The following HEATR3 variants were observed in gnomAD, a reference collection of about 807,000 sequenced individuals.
The protein encoded by HEATR3 is HEAT repeat containing 3.
Under a neutral mutation model 72.8 loss-of-function variants are expected in HEATR3, and 56 were observed. That is an observed-to-expected ratio of 0.77 (90% CI 0.62 to 0.96). The LOEUF is 0.96. Among genes scored for constraint, HEATR3 ranks in the 40% least tolerant of loss-of-function variants. The pLI is 0.00. For synonymous variants in HEATR3, 331 were observed against 318.1 expected (o/e 1.04, Z -0.43); for missense variants, 747 against 831.4 (o/e 0.90, Z 1.25).
chr16:50,102,537 A>G (rs1229148709), intron 14 of HEATR3, 102 bp downstream of exon 14: 1 of 992,288 alleles, frequency 1.0e-6, no homozygotes, highest in South Asian at 1.6e-5. Context: ...GTGCATGACG[A>G]ATCCCCATAT....
Position 50,075,634 on chromosome 16 carries a change from C to T in HEATR3, c.686C>T (p.Ala229Val). 6.2e-7 allele frequency: 1 copy of T among 1,613,722 alleles called. No individual in the cohort carries two copies. The highest frequency in any genetic ancestry group is 8.5e-7 in the Non-Finnish European group (1 of 1,179,672). Residue 229 changes from alanine to valine, a missense_variant, in exon 6 of 15, where the codon GCA (alanine) becomes GTA (valine). Ala to Val is a moderately conservative substitution (Grantham distance 64). Transcript: ENST00000299192. ...PELLKSFSATALNMLESALLS... is the reference protein window; with the variant it reads ...PELLKSFSATVLNMLESALLS... ...CTGCTGAAGTCTTTCAGTGCTACAGCATTGAACATGCTGGAATCAGCACTG... is the reference window on the plus strand; with the variant it reads ...CTGCTGAAGTCTTTCAGTGCTACAGTATTGAACATGCTGGAATCAGCACTG...
At position 50,079,033 on chromosome 16, in the gene HEATR3, T is replaced by C; in HGVS notation, c.1041+15T>C. ...ATTTACTTCCGGTAAGTCAGGTTGCTGTTCTCAAATATGGATTAATACAGC... is the reference window on the plus strand; with the variant it reads ...ATTTACTTCCGGTAAGTCAGGTTGCCGTTCTCAAATATGGATTAATACAGC... On this transcript the variant is annotated intron_variant, in intron 7 of 14. Transcript: ENST00000299192. 1.9e-6 allele frequency: 3 copies of C among 1,600,192 alleles called. No individual in the cohort carries two copies. The highest frequency in any genetic ancestry group is 2.6e-6 in the Non-Finnish European group (3 of 1,175,778).
At chr16:50,080,554 G>A (rs1479706118) in intron 7 of HEATR3, among the ~76,000 whole-genome samples, 1 of 152,002 alleles carries the variant, frequency 6.6e-6, no homozygotes, top group Non-Finnish European at 1.5e-5. Flanking sequence ...TGGTCAGGCT[G>A]GTCTCAAACT....
chr16:50,070,384 GGCCTGTTAATCT>G, intron 4 of HEATR3, 94 bp downstream of exon 4: 1 of 525,370 alleles, frequency 1.9e-6, no homozygotes, highest in Non-Finnish European at 3.4e-6. Flanking sequence ...CCCCTTGGTA[GGCCTGTTAATCT>G]GGGATGTTAA....
chr16:50,097,802 C>T (rs1471743565), intron 12 of HEATR3, among the ~76,000 whole-genome samples: 1 of 151,826 alleles, frequency 6.6e-6, no homozygotes, highest in Non-Finnish European at 1.5e-5. Context: ...GTAATCCCAG[C>T]TACTTGGGAG....
At chr16:50,067,098 A>T (rs1336538575) in intron 2 of HEATR3, among the ~76,000 whole-genome samples, 4 of 152,198 alleles carry the variant, frequency 2.6e-5, no homozygotes, top group African/African-American at 9.6e-5. Flanking sequence ...ACACACCTGT[A>T]ATCCCATTGC....
At chr16:50,097,005 C>G (rs1039698586) in intron 12 of HEATR3, among the ~76,000 whole-genome samples, 4 of 152,254 alleles carry the variant, frequency 2.6e-5, no homozygotes, top group Non-Finnish European at 5.9e-5. Flanking sequence ...TCCTCTGTCC[C>G]CCATGTTTCC....
intron 13 of HEATR3, among the ~76,000 whole-genome samples, chr16:50,100,952 G>C (rs1438944132): frequency 6.6e-6 from 1 of 152,188 alleles, no homozygotes; most frequent in Non-Finnish European, 1.5e-5. Context: ...GACAGTCATA[G>C]TAACATTACA....
At chr16:50,076,253 G>A (rs562365627) in intron 6 of HEATR3, among the ~76,000 whole-genome samples, 10 of 150,912 alleles carry the variant, frequency 6.6e-5, no homozygotes, top group East Asian at 3.9e-4. Context: ...GCTGGAGTGC[G>A]GTGGCTGGCT....
intron 6 of HEATR3, among the ~76,000 whole-genome samples, chr16:50,077,116 C>A (rs1254264317): frequency 1.3e-5 from 2 of 151,976 alleles, no homozygotes; most frequent in African/African-American, 4.8e-5. Context: ...CCTTGTGATC[C>A]GCCCGCCTTG....
At position 50,100,024 on chromosome 16, in the gene HEATR3, A is replaced by G. The variant is rs80166303; in HGVS notation, c.1600-206A>G. Among the ~76,000 whole-genome samples the G allele has an allele frequency of 2.2e-3, 338 of 152,334 alleles. 4 individuals are homozygous for G. The highest frequency in any genetic ancestry group is 7.4e-3 in the African/African-American group (309 of 41,590). ...TTTGATATTAGATAACAGTGCCGACATGAGCAGGGTTCACCTTAGTTCAGA... is the reference window on the plus strand; with the variant it reads ...TTTGATATTAGATAACAGTGCCGACGTGAGCAGGGTTCACCTTAGTTCAGA... On this transcript the variant is annotated intron_variant, in intron 12 of 14. Coordinates refer to ENST00000299192, the MANE Select transcript of HEATR3 (RefSeq NM_182922.4).
At chr16:50,083,853 A>G (rs1344565794) in intron 7 of HEATR3, 84 bp from the exon 8 acceptor site, 10 of 1,252,622 alleles carry the variant, frequency 8.0e-6, no homozygotes, top group African/African-American at 1.5e-5. Flanking sequence ...AAAATCTTCT[A>G]GTAGGCTTTC....
In HEATR3 at chr16:50,066,010, T is replaced by G; in HGVS notation, c.-122T>G. On this transcript the variant is annotated 5_prime_UTR_variant, in exon 1 of 15. Transcript: ENST00000299192. ...CGCCTGCGCACGGCTTGCCCATGTG[T>G]GCTGCAGCCGTCAGCCGGCCCAGCT... is the stretch of plus-strand genomic sequence containing the variant. 2 of 906,868 alleles carry G rather than the reference T, an allele frequency of 2.2e-6. No homozygotes were observed. The highest frequency in any genetic ancestry group is 3.0e-6 in the Non-Finnish European group (2 of 661,352). The allele number at this position is 906,868 out of a possible 1,614,324, so 56.2% of individuals were successfully genotyped here. A position where few individuals can be genotyped will look rare whatever the true frequency, so the allele number is the denominator to read the frequency against.
At chr16:50,070,676 TG>T (rs2036592016) in intron 4 of HEATR3, among the ~76,000 whole-genome samples, 1 of 151,436 alleles carries the variant, frequency 6.6e-6, no homozygotes, top group Non-Finnish European at 1.5e-5. Context: ...CACTCCAGCC[TG>T]GGGGACAGGG....
intron 7 of HEATR3, among the ~76,000 whole-genome samples, chr16:50,079,472 A>G (rs530369758): frequency 1.3e-5 from 2 of 152,232 alleles, no homozygotes; most frequent in South Asian, 4.2e-4. Context: ...TACTGATCCA[A>G]AGAGGTTGGG....
intron 12 of HEATR3, among the ~76,000 whole-genome samples, chr16:50,099,833 A>G (rs1223251454): frequency 6.6e-6 from 1 of 152,214 alleles, no homozygotes; most frequent in Non-Finnish European, 1.5e-5. Flanking sequence ...AGATATCTCA[A>G]AGTAAGTTCT....
At position 50,105,211 on chromosome 16, in the gene HEATR3, T is replaced by G; in HGVS notation, c.*150T>G. 1.2e-6 allele frequency: 1 copy of G among 822,236 alleles called. No individual in the cohort carries two copies. The highest frequency in any genetic ancestry group is 1.9e-6 in the Non-Finnish European group (1 of 538,814). The allele number at this position is 822,236 out of a possible 1,614,324, so 50.9% of individuals were successfully genotyped here. ...AAAAACTTCAAAACCTGGCCAGGCA[T>G]GGTGGCTCACGCCTATAATCCCAGC... is the stretch of plus-strand genomic sequence containing the variant. On this transcript the variant is annotated 3_prime_UTR_variant, in exon 15 of 15. Coordinates refer to ENST00000299192, the MANE Select transcript of HEATR3 (RefSeq NM_182922.4).
chr16:50,071,238 G>A (rs960828968), intron 4 of HEATR3, among the ~76,000 whole-genome samples: 1 of 152,186 alleles, frequency 6.6e-6, no homozygotes, highest in South Asian at 2.1e-4. Context: ...CTTATCTTCA[G>A]TCAGCAGCAA....
intron 7 of HEATR3, among the ~76,000 whole-genome samples, chr16:50,082,870 A>C (rs189782284): frequency 4.0e-5 from 6 of 151,664 alleles, no homozygotes; most frequent in East Asian, 3.9e-4. Flanking sequence ...GGCTCACTGC[A>C]ACCTCTGCCT....
Sources: allele counts gnomAD v4.1 joint callset (sites outside exome capture counted in the v4.1 genomes callset), GRCh38; gene constraint gnomAD v4.1.1; transcripts MANE v1.5; gene names NCBI Gene and HGNC (gene_info 2026-07-23, HGNC 2026-07-21).